The following SGIP1 variants were observed in gnomAD, a reference collection of about 807,000 sequenced individuals.
The protein encoded by SGIP1 is SH3GL interacting endocytic adaptor 1.
SGIP1 carries 38 observed loss-of-function variants against 107.5 expected under a neutral mutation model. The observed-to-expected ratio is 0.35, with a 90% confidence interval of 0.27 to 0.46. The LOEUF (loss-of-function observed/expected upper bound fraction) is 0.46. Ranked by LOEUF, SGIP1 falls within the 20% of genes least tolerant of loss-of-function variation. The pLI is 1.00. For missense variants in SGIP1, 929 were observed against 1,019.5 expected, an observed-to-expected ratio of 0.91 and a Z score of 1.21; for synonymous variants, 365 against 366.1, an observed-to-expected ratio of 1.00 and a Z score of 0.03.
intron 1 of SGIP1, among the ~76,000 whole-genome samples, chr1:66,593,019 C>A (rs2063954639): frequency 6.8e-6 from 1 of 148,048 alleles, no homozygotes; most frequent in Non-Finnish European, 1.5e-5. Flanking sequence ...GCTAAGATTG[C>A]AGGCATGAGC....
rs1276123770 is a variant in SGIP1, at chr1:66,534,309, C to T, written c.-50C>T. On this transcript the variant is annotated 5_prime_UTR_variant, in exon 1 of 25. Coordinates refer to ENST00000371037, the MANE Select transcript of SGIP1 (RefSeq NM_032291.4). ...TAGCTGGGACCTGGAATCGTATCCT[C>T]CTGTGTTTTTTCAGACTCCTTGGAA... 1.2e-6 allele frequency: 2 copies of T among 1,609,134 alleles called. No homozygotes were observed. Among genetic ancestry groups the T allele is most frequent in the Admixed American group, 1.7e-5 (1 of 59,984 alleles).
chr1:66,608,653 C>T (rs2067314425), intron 1 of SGIP1, among the ~76,000 whole-genome samples: 1 of 152,168 alleles, frequency 6.6e-6, no homozygotes, highest in African/African-American at 2.4e-5. Context: ...CCTCTGGCAG[C>T]TCCCATTAAT....
chr1:66,603,522 G>T (rs1440530246), intron 1 of SGIP1, among the ~76,000 whole-genome samples: 2 of 152,046 alleles, frequency 1.3e-5, no homozygotes, highest in Non-Finnish European at 2.9e-5. Flanking sequence ...CACTTGTATT[G>T]CTTCTGATAC....
In SGIP1 at chr1:66,565,068, C is replaced by A. The variant is rs1319512767; in HGVS notation, c.10+30700C>A. On this transcript the variant is annotated intron_variant, in intron 1 of 24. Transcript: ENST00000371037. ...AAGGGGGCAGACAGTAGATGTAAAACCAGGACCCCCTGACTCCACTGCCAG... is the reference window on the plus strand; with the variant it reads ...AAGGGGGCAGACAGTAGATGTAAAAACAGGACCCCCTGACTCCACTGCCAG... 2.0e-5 allele frequency among the ~76,000 whole-genome samples: 3 copies of A among 152,040 alleles called. No homozygotes were observed. In the South Asian group the frequency reaches 6.2e-4, roughly 32 times the overall value.
At chr1:66,695,891 T>C (rs1191780530) in intron 18 of SGIP1, among the ~76,000 whole-genome samples, 1 of 152,228 alleles carries the variant, frequency 6.6e-6, no homozygotes, top group African/African-American at 2.4e-5. Flanking sequence ...GGTATTTAAC[T>C]TGTTTTGGGT....
Position 66,690,295 on chromosome 1 carries a change from G to A in SGIP1, c.1549G>A (p.Ala517Thr), listed in dbSNP as rs767772421. 23 of 1,613,916 alleles carry A rather than the reference G, an allele frequency of 1.4e-5. No homozygotes were observed. Among genetic ancestry groups the A allele is most frequent in the East Asian group, 2.2e-5 (1 of 44,894 alleles). The change falls in exon 17 of 25, where the codon GCA becomes ACA. Residue 517 changes from alanine (A) to threonine (T), a missense_variant. Coordinates refer to ENST00000371037, the MANE Select transcript of SGIP1 (RefSeq NM_032291.4). ...AATATCGTCAACCAATTCCTTGAGC[G>A]CAGCCACCACTCCCACAGTTGGTAA... ...SSISSTNSLSAATTPTVENEQ... is the reference protein window; with the variant it reads ...SSISSTNSLSTATTPTVENEQ...
intron 2 of SGIP1, among the ~76,000 whole-genome samples, chr1:66,630,841 A>AG (rs1570908943): frequency 1.1e-4 from 2 of 17,966 alleles, no homozygotes; most frequent in Non-Finnish European, 9.9e-5. Flanking sequence ...GAAAGAAAGA[A>AG]AGAAAGAAAG....
At position 66,606,568 on chromosome 1, in the gene SGIP1, C is replaced by G. The variant is rs531835321; in HGVS notation, c.11-19279C>G. 1.7e-3 allele frequency among the ~76,000 whole-genome samples: 266 copies of G among 152,280 alleles called. 3 individuals are homozygous for G. The highest frequency in any genetic ancestry group is 6.2e-3 in the African/African-American group (256 of 41,556). ...CATGACAGAGGGCTTGGCTGATTGA[C>G]TGTAATTTACAGCATCCATCATCAT... On this transcript the variant is annotated intron_variant, in intron 1 of 24. Transcript: ENST00000371037.
In SGIP1 at chr1:66,679,708, C is replaced by T. The variant is rs2086223489; in HGVS notation, c.770C>T (p.Pro257Leu). 6.2e-7 allele frequency: 1 copy of T among 1,606,432 alleles called. No homozygotes were observed. The highest frequency in any genetic ancestry group is 8.5e-7 in the Non-Finnish European group (1 of 1,178,082). Reference protein sequence around the residue: ...TPPPLPPKNVPATPPRTGSPL... With the variant: ...TPPPLPPKNVLATPPRTGSPL... ...CCACCACTGCCTCCAAAAAATGTAC[C>T]AGCTACCCCACCCCGAACAGGATCC... is the stretch of plus-strand genomic sequence containing the variant. The change falls in exon 14 of 25, where the codon CCA becomes CTA. Residue 257 changes from proline to leucine, a missense_variant. Transcript: ENST00000371037.
chr1:66,670,338 C>T (rs1407749735), intron 9 of SGIP1, among the ~76,000 whole-genome samples: 1 of 152,206 alleles, frequency 6.6e-6, no homozygotes. Context: ...TATTTGTATT[C>T]CAATAATATC....
intron 19 of SGIP1, among the ~76,000 whole-genome samples, chr1:66,727,900 A>G (rs567860156): frequency 1.3e-5 from 2 of 152,094 alleles, no homozygotes; most frequent in East Asian, 3.9e-4. Flanking sequence ...AGGGATTGCA[A>G]AAAAGCATAA....
At chr1:66,552,055 C>T (rs928556721) in intron 1 of SGIP1, among the ~76,000 whole-genome samples, 8 of 152,114 alleles carry the variant, frequency 5.3e-5, no homozygotes, top group African/African-American at 1.9e-4. Context: ...CTCAAGATCC[C>T]ATGCACGGCT....
intron 1 of SGIP1, among the ~76,000 whole-genome samples, chr1:66,589,229 G>A (rs1488315180): frequency 1.0e-5 from 1 of 97,284 alleles, no homozygotes; most frequent in Non-Finnish European, 2.1e-5. Context: ...TAAGGCTTGG[G>A]GTAAAGAGAA....
chr1:66,743,173 G>GTTTTC lies in SGIP1; in HGVS notation c.*78_*79insTTTTC. Reference sequence around the variant, plus strand: ...GAGAAACAGATTTTAATTTTGGTTTGATGAAAACAAACCAATATCTGCACT... The same window carrying GTTTTC: ...GAGAAACAGATTTTAATTTTGGTTTGTTTTCATGAAAACAAACCAATATCTGCACT... On this transcript the variant is annotated 3_prime_UTR_variant, in exon 25 of 25. Coordinates refer to ENST00000371037, the MANE Select transcript of SGIP1 (RefSeq NM_032291.4). 4.0e-6 allele frequency: 6 copies of GTTTTC among 1,517,772 alleles called. No individual in the cohort carries two copies. The highest frequency in any genetic ancestry group is 5.5e-6 in the Non-Finnish European group (6 of 1,100,844). 94.0% of individuals were successfully genotyped at this position (1,517,772 alleles called of 1,614,324 possible).
chr1:66,613,802 C>A (rs922529594), intron 1 of SGIP1, among the ~76,000 whole-genome samples: 9 of 152,058 alleles, frequency 5.9e-5, no homozygotes, highest in Non-Finnish European at 1.2e-4. Context: ...GTGCTTCAGG[C>A]TTTTAGTAAC....
In SGIP1 at chr1:66,682,343, C is replaced by G. The variant is rs144225226; in HGVS notation, c.1289C>G (p.Ser430Trp). 1.2e-6 allele frequency: 2 copies of G among 1,613,346 alleles called. No homozygotes were observed. Among genetic ancestry groups the G allele is most frequent in the African/African-American group, 1.3e-5 (1 of 74,780 alleles). Reference sequence around the variant, plus strand: ...GTGGTTTCGTCCCCCGGACCTGGCTCGGGCCCTGGTCCGGGGACCACCAGT... The same window carrying G: ...GTGGTTTCGTCCCCCGGACCTGGCTGGGGCCCTGGTCCGGGGACCACCAGT... ...RTVVSSPGPG[S>W]GPGPGTTSGA... The change falls in exon 15 of 25, where the codon TCG (serine) becomes TGG (tryptophan). Residue 430 changes from serine (S) to tryptophan (W), a missense_variant. Physicochemically the swap from Ser to Trp is radical, Grantham distance 177. Coordinates refer to ENST00000371037, the MANE Select transcript of SGIP1 (RefSeq NM_032291.4).
intron 1 of SGIP1, among the ~76,000 whole-genome samples, chr1:66,565,279 A>C (rs2148508849): frequency 6.6e-6 from 1 of 152,150 alleles, no homozygotes; most frequent in East Asian, 1.9e-4. Context: ...ATTCTGAAAT[A>C]ATTTATCCCT....
upstream of SGIP1, among the ~76,000 whole-genome samples, chr1:66,533,843 T>G (rs1450793420): frequency 6.6e-6 from 1 of 152,026 alleles, no homozygotes; most frequent in Non-Finnish European, 1.5e-5. Context: ...AGTCCCCTGT[T>G]AAGGTGGCAG....
chr1:66,537,248 G>C (rs570704346), intron 1 of SGIP1, among the ~76,000 whole-genome samples: 1 of 152,102 alleles, frequency 6.6e-6, no homozygotes, highest in Non-Finnish European at 1.5e-5. Context: ...GGTTGGCATT[G>C]AGTTGTTTCT....
Sources: gnomAD v4.1 joint callset for allele counts (sites outside exome capture counted in the v4.1 genomes callset) on GRCh38, gnomAD v4.1.1 for gene constraint, MANE v1.5 for transcripts, NCBI Gene and HGNC (gene_info 2026-07-23, HGNC 2026-07-21) for gene names.